The following EYA2 variants were observed in gnomAD, a reference collection of about 807,000 sequenced individuals.
The protein encoded by EYA2 is EYA transcriptional coactivator and phosphatase 2.
Under a neutral mutation model 69.2 loss-of-function variants are expected in EYA2, and 31 were observed. That is an observed-to-expected ratio of 0.45 (90% CI 0.34 to 0.60). EYA2 has a LOEUF of 0.60. Ranked by LOEUF, EYA2 falls within the 20% of genes least tolerant of loss-of-function variation. The pLI is 0.02. For missense variants in EYA2, 622 were observed against 701.2 expected (o/e 0.89, Z 1.28); for synonymous variants, 257 against 279.4 (o/e 0.92, Z 0.80).
intron 9 of EYA2, among the ~76,000 whole-genome samples, chr20:47,120,880 A>C (rs2033026826): frequency 6.6e-6 from 1 of 152,206 alleles, no homozygotes; most frequent in South Asian, 2.1e-4. Context: ...TACTGTCATC[A>C]TCTGGTTTTG....
At chr20:46,973,851 A>G (rs969160623) in intron 1 of EYA2, among the ~76,000 whole-genome samples, 11 of 152,090 alleles carry the variant, frequency 7.2e-5, no homozygotes, top group African/African-American at 2.4e-4. Flanking sequence ...GCCAACCTCA[A>G]AACAAGAATA....
At position 47,123,209 on chromosome 20, in the gene EYA2, A is replaced by C. The variant is rs186125312; in HGVS notation, c.889-19850A>C. Among the ~76,000 whole-genome samples, 49 of 152,248 alleles carry C rather than the reference A, an allele frequency of 3.2e-4. 1 individual carries two copies. Among genetic ancestry groups the C allele is most frequent in the Admixed American group, 3.0e-3 (46 of 15,282 alleles). The stretch of plus-strand genomic sequence containing the variant: ...ATAATTGTACACATTCATGGGGTAC[A>C]TGGTGATGTTTCGATGCATATAAAG... On this transcript the variant is annotated intron_variant, in intron 9 of 15. Transcript: ENST00000327619.
intron 10 of EYA2, among the ~76,000 whole-genome samples, chr20:47,162,691 G>A (rs535356964): frequency 6.6e-6 from 1 of 151,672 alleles, no homozygotes; most frequent in East Asian, 1.9e-4. Flanking sequence ...GCTAATTTTT[G>A]TATTTTTGGT....
At chr20:47,003,352 G>T (rs912878623) in intron 3 of EYA2, among the ~76,000 whole-genome samples, 3 of 152,226 alleles carry the variant, frequency 2.0e-5, no homozygotes, top group African/African-American at 7.2e-5. Flanking sequence ...ACAGTGCCTG[G>T]CACGTAGGCA....
Position 47,188,148 on chromosome 20 carries a change from T to G in EYA2, c.*15T>G. The G allele has an allele frequency of 6.4e-7, 1 of 1,561,732 alleles. No homozygotes were observed. On this transcript the variant is annotated 3_prime_UTR_variant, in exon 16 of 16. Coordinates refer to ENST00000327619, the MANE Select transcript of EYA2 (RefSeq NM_005244.5). ...AGTATTTATAGCAGGATCAGCAGCA[T>G]CTCCACCTGCCATCTCACCCTCAGA... is the stretch of plus-strand genomic sequence containing the variant.
At chr20:46,975,613 G>C (rs760921697) in intron 1 of EYA2, among the ~76,000 whole-genome samples, 13 of 152,120 alleles carry the variant, frequency 8.5e-5, no homozygotes, top group Non-Finnish European at 1.8e-4. Context: ...TTTTACATGC[G>C]ATCAAGAATG....
rs1386517552 is a variant in EYA2 at position 47,179,889 on chromosome 20, G to A, written c.1290G>A (p.Lys430=). 6.2e-7 allele frequency: 1 copy of A among 1,614,030 alleles called. No homozygotes were observed. The highest frequency in any genetic ancestry group is 8.5e-7 in the Non-Finnish European group (1 of 1,179,984). ...ACCTCTGGCTGACCCACTCCCTGAA[G>A]GCACTAAACCTCATCAACTCCCGGC... ...LTDLWLTHSL[K]ALNLINSRPN... is the part of the protein sequence containing the mutation. The change falls in exon 13 of 16, where the codon AAG becomes AAA. Residue 430 remains lysine, a synonymous_variant. Coordinates refer to ENST00000327619, the MANE Select transcript of EYA2 (RefSeq NM_005244.5).
At chr20:46,898,062 G>C (rs1372326526) in intron 1 of EYA2, among the ~76,000 whole-genome samples, 1 of 152,028 alleles carries the variant, frequency 6.6e-6, no homozygotes, top group Non-Finnish European at 1.5e-5. Flanking sequence ...AATTCCTTGG[G>C]AGAGAGGAGA....
chr20:47,176,108 C>T (rs1229220594), intron 12 of EYA2, among the ~76,000 whole-genome samples: 2 of 122,862 alleles, frequency 1.6e-5, no homozygotes, highest in African/African-American at 3.1e-5. Context: ...GAGATGGAGT[C>T]TTGCTCTGTC....
intron 1 of EYA2, among the ~76,000 whole-genome samples, chr20:46,988,702 T>A (rs968882615): frequency 6.6e-6 from 1 of 152,106 alleles, no homozygotes; most frequent in Non-Finnish European, 1.5e-5. Flanking sequence ...TGGGTGGGAA[T>A]TTATTAATAT....
intron 1 of EYA2, among the ~76,000 whole-genome samples, chr20:46,914,427 A>G (rs560490708): frequency 1.5e-4 from 23 of 152,212 alleles, no homozygotes; most frequent in Non-Finnish European, 3.1e-4. Context: ...GACATACCCA[A>G]CTGGGTAATT....
intron 1 of EYA2, among the ~76,000 whole-genome samples, chr20:46,964,101 T>G (rs1979641125): frequency 1.3e-5 from 2 of 152,182 alleles, no homozygotes; most frequent in Admixed American, 6.5e-5. Flanking sequence ...GTCAGTGTGG[T>G]TTTTTGAAAC....
At chr20:47,181,746 C>T (rs2034542401) in intron 14 of EYA2, among the ~76,000 whole-genome samples, 1 of 152,058 alleles carries the variant, frequency 6.6e-6, no homozygotes, top group East Asian at 1.9e-4. Context: ...ATTTATAGTA[C>T]TTTGGCAGCA....
chr20:47,112,964 C>T (rs1247634914), intron 9 of EYA2, among the ~76,000 whole-genome samples: 1 of 147,700 alleles, frequency 6.8e-6, no homozygotes, highest in African/African-American at 2.5e-5. Flanking sequence ...CACTGCCTCC[C>T]AGGTTCAAGC....
At chr20:47,109,635 A>G (rs1438691432) in intron 9 of EYA2, among the ~76,000 whole-genome samples, 1 of 152,126 alleles carries the variant, frequency 6.6e-6, no homozygotes, top group African/African-American at 2.4e-5. Context: ...CTCCTGCCTC[A>G]GCCTCCCAAA....
At chr20:47,053,817 A>G (rs1039730180) in intron 5 of EYA2, among the ~76,000 whole-genome samples, 5 of 151,810 alleles carry the variant, frequency 3.3e-5, no homozygotes, top group African/African-American at 1.2e-4. Context: ...CCCCTTGAGA[A>G]TACGTGGGCT....
chr20:47,115,571 GT>G (rs139489454), intron 9 of EYA2, among the ~76,000 whole-genome samples: 2,190 of 152,072 alleles, frequency 0.014, 46 homozygotes, highest in African/African-American at 0.05. Context: ...CATCATTGCT[GT>G]GTCTGTCTCT....
chr20:46,897,407 A>G (rs1248493663), intron 1 of EYA2, among the ~76,000 whole-genome samples: 1 of 152,184 alleles, frequency 6.6e-6, no homozygotes, highest in African/African-American at 2.4e-5. Context: ...CCGTGACAAG[A>G]TGACTCCTTT....
intron 9 of EYA2, among the ~76,000 whole-genome samples, chr20:47,133,217 G>C (rs550499572): frequency 6.6e-5 from 10 of 152,174 alleles, no homozygotes; most frequent in Middle Eastern, 3.4e-3. Flanking sequence ...ATGGCTGCCG[G>C]CATCCTTGAG....
Sources: allele counts gnomAD v4.1 joint callset (sites outside exome capture counted in the v4.1 genomes callset), GRCh38; gene constraint gnomAD v4.1.1; transcripts MANE v1.5; gene names NCBI Gene and HGNC (gene_info 2026-07-23, HGNC 2026-07-21).